SMAD9: variants seen among roughly 807,000 people sequenced by gnomAD.
SMAD9 encodes SMAD family member 9.
In SMAD9, 36 loss-of-function variants were observed where a neutral mutation model predicts 46.1. That is an observed-to-expected ratio of 0.78 (90% CI 0.60 to 1.03). The LOEUF is 1.03. SMAD9 is among the 50% of genes least tolerant of loss of function. The pLI is 0.00. For missense variants in SMAD9, 572 were observed against 599.8 expected, an observed-to-expected ratio of 0.95 and a Z score of 0.48; for synonymous variants, 245 against 237.1, an observed-to-expected ratio of 1.03 and a Z score of -0.31.
intron 2 of SMAD9, among the ~76,000 whole-genome samples, chr13:36,874,796 T>C (rs2058329887): frequency 7.2e-6 from 1 of 139,288 alleles, no homozygotes; most frequent in Admixed American, 8.1e-5. Flanking sequence ...AGGCGGAGCT[T>C]GCAGTGAGCC....
rs576985444 is a variant in SMAD9, at chr13:36,846,724, C to T, written c.*1952G>A. 1.3e-5 allele frequency: 2 copies of T among 152,184 alleles called. No homozygotes were observed. The highest frequency in any genetic ancestry group is 4.1e-4 in the South Asian group (2 of 4,820). The allele number at this position is 152,184 out of a possible 1,614,324, so 9.4% of individuals were successfully genotyped here. On this transcript the variant is annotated 3_prime_UTR_variant, in exon 7 of 7. Transcript: ENST00000379826. ...ACATGGAAGAAAAGTAGCATTTATA[C>T]AAGGAATCCATTACCTGACTTTGCA...
intron 1 of SMAD9, among the ~76,000 whole-genome samples, chr13:36,902,957 T>TA (rs968076654): frequency 3.9e-5 from 6 of 152,166 alleles, no homozygotes; most frequent in African/African-American, 1.4e-4. Flanking sequence ...CCTGAAAAGA[T>TA]AAAGTCATCC....
At position 36,852,661 on chromosome 13, in the gene SMAD9, A is replaced by G. The variant is rs532056907; in HGVS notation, c.1260+758T>C. The G allele has an allele frequency of 8.6e-5, 62 of 720,192 alleles. 2 individuals are homozygous for G. The South Asian group carries it at 3.7e-3, about 43-fold the overall frequency. 44.6% of individuals were successfully genotyped at this position (720,192 alleles called of 1,614,324 possible). On this transcript the variant is annotated intron_variant, in intron 6 of 6. Coordinates refer to ENST00000379826, the MANE Select transcript of SMAD9 (RefSeq NM_001127217.3). ...AGTTTATTATCTTGTATTAGAACCAACCCTGCCTATTTTTGTAGCTTATTC... is the reference window on the plus strand; with the variant it reads ...AGTTTATTATCTTGTATTAGAACCAGCCCTGCCTATTTTTGTAGCTTATTC...
intron 2 of SMAD9, among the ~76,000 whole-genome samples, chr13:36,876,072 T>G (rs776512545): frequency 1.3e-4 from 20 of 152,162 alleles, no homozygotes; most frequent in Non-Finnish European, 1.9e-4. Flanking sequence ...TTAATTCCAC[T>G]TCCACATCTC....
chr13:36,914,263 T>C (rs2058682016), intron 1 of SMAD9, among the ~76,000 whole-genome samples: 1 of 152,302 alleles, frequency 6.6e-6, no homozygotes, highest in South Asian at 2.1e-4. Flanking sequence ...ATCACGCCTG[T>C]AAACCCAGCA....
intron 2 of SMAD9, among the ~76,000 whole-genome samples, chr13:36,873,305 T>C (rs1416248193): frequency 6.6e-6 from 1 of 152,218 alleles, no homozygotes; most frequent in Non-Finnish European, 1.5e-5. Flanking sequence ...TACGTCTTTC[T>C]TTAATTCTGC....
intron 1 of SMAD9, among the ~76,000 whole-genome samples, chr13:36,902,260 G>T (rs2058582476): frequency 6.6e-6 from 1 of 152,094 alleles, no homozygotes; most frequent in Non-Finnish European, 1.5e-5. Context: ...TAAAGAACTG[G>T]ACTGTTTTCC....
intron 5 of SMAD9, among the ~76,000 whole-genome samples, chr13:36,861,925 G>A (rs866695022): frequency 2.0e-5 from 3 of 147,514 alleles, no homozygotes; most frequent in Admixed American, 6.7e-5. Flanking sequence ...CAAGACTCCC[G>A]TCTCAAAAAA....
intron 6 of SMAD9, chr13:36,852,545 A>C: frequency 2.0e-6 from 2 of 984,922 alleles, no homozygotes; most frequent in Non-Finnish European, 2.4e-6. Flanking sequence ...TGAGAAATTC[A>C]ACAAATATTC....
At chr13:36,882,241 G>GTA (rs2058409824) in intron 1 of SMAD9, among the ~76,000 whole-genome samples, 1 of 149,026 alleles carries the variant, frequency 6.7e-6, no homozygotes, top group Non-Finnish European at 1.5e-5. Context: ...GTGTGTGTGT[G>GTA]TGTGTGTGTG....
In SMAD9 at chr13:36,859,568, T is replaced by C. The variant is rs1309584228; in HGVS notation, c.1004-5893A>G. Among the ~76,000 whole-genome samples, 3 of 152,106 alleles carry C rather than the reference T, an allele frequency of 2.0e-5. No homozygotes were observed. In the East Asian group the frequency reaches 5.8e-4, roughly 29 times the overall value. ...TACACTCCCACCAGTGCCATGACAA[T>C]TTACAAATGCCATGGCGAACATGGT... On this transcript the variant is annotated intron_variant, in intron 5 of 6. Transcript: ENST00000379826.
intron 5 of SMAD9, among the ~76,000 whole-genome samples, chr13:36,855,946 C>G (rs1314507787): frequency 1.3e-5 from 2 of 152,202 alleles, no homozygotes; most frequent in Non-Finnish European, 2.9e-5. Flanking sequence ...TCCCCTTCTC[C>G]GCTTCCCTCA....
chr13:36,899,297 T>G (rs977576065), intron 1 of SMAD9, among the ~76,000 whole-genome samples: 9 of 152,230 alleles, frequency 5.9e-5, no homozygotes, highest in Non-Finnish European at 1.3e-4. Flanking sequence ...ATATACCATG[T>G]TCATGGATGT....
intron 1 of SMAD9, among the ~76,000 whole-genome samples, chr13:36,900,920 C>T (rs1433066760): frequency 1.4e-5 from 2 of 147,894 alleles, no homozygotes; most frequent in East Asian, 3.9e-4. Flanking sequence ...ACACATTCAG[C>T]AGTTTTTTCC....
intron 1 of SMAD9, among the ~76,000 whole-genome samples, chr13:36,890,007 T>C (rs1369342213): frequency 6.6e-6 from 1 of 152,172 alleles, no homozygotes; most frequent in East Asian, 1.9e-4. Context: ...TGTAAAAATA[T>C]GATTCAATTT....
At chr13:36,893,606 C>T (rs1397604947) in intron 1 of SMAD9, among the ~76,000 whole-genome samples, 6 of 151,218 alleles carry the variant, frequency 4.0e-5, no homozygotes, top group African/African-American at 9.7e-5. Flanking sequence ...GTAATAAAAA[C>T]ATATTAATGA....
At chr13:36,910,063 G>A (rs2058648746) in intron 1 of SMAD9, among the ~76,000 whole-genome samples, 1 of 152,070 alleles carries the variant, frequency 6.6e-6, no homozygotes, top group Non-Finnish European at 1.5e-5. Flanking sequence ...CGGGCGTGGT[G>A]GCGGGCGCCT....
chr13:36,869,657 C>T (rs913759622), intron 3 of SMAD9, among the ~76,000 whole-genome samples: 8 of 152,150 alleles, frequency 5.3e-5, no homozygotes, highest in African/African-American at 1.2e-4. Flanking sequence ...GGTGAAACCC[C>T]GTCTCTACTA....
At chr13:36,900,240 T>C (rs1347560851) in intron 1 of SMAD9, among the ~76,000 whole-genome samples, 1 of 152,176 alleles carries the variant, frequency 6.6e-6, no homozygotes, top group Non-Finnish European at 1.5e-5. Flanking sequence ...CTTTGGGACT[T>C]TACTCAAATA....
Sources: gnomAD v4.1 joint callset for allele counts (sites outside exome capture counted in the v4.1 genomes callset) on GRCh38, gnomAD v4.1.1 for gene constraint, MANE v1.5 for transcripts, NCBI Gene and HGNC (gene_info 2026-07-23, HGNC 2026-07-21) for gene names.